Variants in ETV4 observed in about 807,000 individuals in gnomAD.
ETV4 encodes the protein ETS translocation variant 4.
In ETV4, 42 loss-of-function variants were observed where a neutral mutation model predicts 65.9. That is an observed-to-expected ratio of 0.64 (90% CI 0.50 to 0.82). The LOEUF (loss-of-function observed/expected upper bound fraction) is 0.82, where lower values mean the gene tolerates loss of function less well. ETV4 is among the 40% of genes least tolerant of loss of function. ETV4 has a pLI of 0.00. For missense variants in ETV4, 583 were observed against 630.3 expected, an observed-to-expected ratio of 0.92 and a Z score of 0.80; for synonymous variants, 238 against 260.0, an observed-to-expected ratio of 0.92 and a Z score of 0.81.
rs531139204 is a variant in ETV4, at chr17:43,545,934, CGT to C, written c.-52+249_-52+250del. The C allele has an allele frequency of 0.15, 40,507 of 262,662 alleles. 4,212 individuals are homozygous for C. Among genetic ancestry groups the C allele is most frequent in the African/African-American group, 0.22 (8,529 of 37,916 alleles). 16.3% of individuals were successfully genotyped at this position (262,662 alleles called of 1,614,324 possible). ...TTACCCGGGCTCGGTTACATAAGAA[CGT>C]GTGTGTGTGTGTGTGTGTGTGTGTG... On this transcript the variant is annotated intron_variant, in intron 1 of 12. Coordinates refer to ENST00000319349, the MANE Select transcript of ETV4 (RefSeq NM_001079675.5).
intron 4 of ETV4, among the ~76,000 whole-genome samples, chr17:43,542,000 T>TG (rs1971547966): frequency 6.6e-6 from 1 of 152,110 alleles, no homozygotes; most frequent in Non-Finnish European, 1.5e-5. Flanking sequence ...ACTTCACTCT[T>TG]GCAGCAGCAA....
At chr17:43,530,819 C>T (rs1295958049) in intron 8 of ETV4, among the ~76,000 whole-genome samples, 1 of 151,968 alleles carries the variant, frequency 6.6e-6, no homozygotes, top group Non-Finnish European at 1.5e-5. Context: ...CCAACCCCTT[C>T]CCGCCCTCCC....
At chr17:43,545,095 G>A (rs923443265) in intron 3 of ETV4, 73 bp from the exon 4 acceptor site, 2 of 1,492,654 alleles carry the variant, frequency 1.3e-6, no homozygotes, top group African/African-American at 2.8e-5. Flanking sequence ...AGCAAGACCC[G>A]GTGACTCCCC....
intron 1 of ETV4, chr17:43,545,882 G>A (rs1971797946): frequency 1.7e-6 from 1 of 582,360 alleles, no homozygotes. Flanking sequence ...AGCCGGGCTC[G>A]CCGTTTCTGC....
chr17:43,529,469 T>C lies in ETV4; in HGVS notation c.1128+35A>G, dbSNP rs377294765. On this transcript the variant is annotated intron_variant, in intron 11 of 12. Transcript: ENST00000319349. ...TCTCCCACCTCCAGGCTGTAAACTT[T>C]GGAAAGGAGGGCTGGGAACATCCGA... is the stretch of plus-strand genomic sequence containing the variant. 42 of 1,578,966 alleles carry C rather than the reference T, an allele frequency of 2.7e-5. No individual in the cohort carries two copies. In the African/African-American group the frequency reaches 5.6e-4, roughly 21 times the overall value.
Position 43,536,407 on chromosome 17 carries a change from C to T in ETV4, c.256+19G>A. The T allele has an allele frequency of 6.2e-7, 1 of 1,612,248 alleles. No homozygotes were observed. Reference sequence around the variant, plus strand: ...CATCCTCCACTCCCTATACCCTCTCCCCAGGGACCTCTACTCACGGTTTTC... The same window carrying T: ...CATCCTCCACTCCCTATACCCTCTCTCCAGGGACCTCTACTCACGGTTTTC... On this transcript the variant is annotated intron_variant, in intron 5 of 12. Coordinates refer to ENST00000319349, the MANE Select transcript of ETV4 (RefSeq NM_001079675.5).
intron 5 of ETV4, among the ~76,000 whole-genome samples, chr17:43,535,079 G>A (rs1215398257): frequency 1.3e-5 from 2 of 152,200 alleles, no homozygotes; most frequent in African/African-American, 4.8e-5. Context: ...GCCCCTGCGG[G>A]GTTCCCAAAC....
At position 43,545,544 on chromosome 17, in the gene ETV4, G is replaced by C. The variant is rs748200895; in HGVS notation, c.60+14C>G. The stretch of plus-strand genomic sequence containing the variant: ...GCGGGGCGGGGCGGGCGTGGAGGCC[G>C]GCGCGGCGCTCACGCTGCTGAAGGT... On this transcript the variant is annotated intron_variant, in intron 2 of 12. Transcript: ENST00000319349. 6.5e-6 allele frequency: 10 copies of C among 1,547,468 alleles called. No homozygotes were observed. The highest frequency in any genetic ancestry group is 3.9e-5 in the Admixed American group (2 of 50,918).
chr17:43,545,502 G>T, intron 2 of ETV4, 56 bp downstream of exon 2: 1 of 1,290,748 alleles, frequency 7.7e-7, no homozygotes, highest in Non-Finnish European at 1.0e-6. Context: ...GGGCTGTGGT[G>T]AGAGTAGGGG....
chr17:43,532,266 G>A (rs938659197), intron 8 of ETV4, among the ~76,000 whole-genome samples: 1 of 152,180 alleles, frequency 6.6e-6, no homozygotes, highest in South Asian at 2.1e-4. Context: ...TTGGGAGGCC[G>A]AGGCGATGGA....
At chr17:43,532,216 T>G (rs1235890258) in intron 8 of ETV4, among the ~76,000 whole-genome samples, 1 of 152,172 alleles carries the variant, frequency 6.6e-6, no homozygotes, top group Non-Finnish European at 1.5e-5. Context: ...AAGTAATAAT[T>G]TGTCCGGGTG....
chr17:43,532,257 T>C (rs1190808530), intron 8 of ETV4, among the ~76,000 whole-genome samples: 1 of 152,086 alleles, frequency 6.6e-6, no homozygotes, highest in East Asian at 1.9e-4. Context: ...CACAGCACTT[T>C]GGGAGGCCGA....
rs1168872790 is a variant in ETV4 at position 43,533,274 on chromosome 17, G to A, written c.458C>T (p.Pro153Leu). 8.1e-6 allele frequency: 13 copies of A among 1,613,842 alleles called. No individual in the cohort carries two copies. Among genetic ancestry groups the A allele is most frequent in the Non-Finnish European group, 1.1e-5 (13 of 1,179,934 alleles). The change falls in exon 7 of 13, where the codon CCC becomes CTC. Residue 153 changes from proline (P) to leucine (L), a missense_variant. By Grantham distance (98) the Pro-to-Leu change is moderately conservative. Transcript: ENST00000319349. ...PGALGQSPLQ[P>L]FPRAEQRNFL... ...ATTCCGTTGCTCTGCCCGGGGAAAGGGCTGTAGGGGCGACTGTCCAAGGGC... is the reference window on the plus strand; with the variant it reads ...ATTCCGTTGCTCTGCCCGGGGAAAGAGCTGTAGGGGCGACTGTCCAAGGGC...
At chr17:43,531,268 G>A (rs966953010) in intron 8 of ETV4, among the ~76,000 whole-genome samples, 4 of 152,230 alleles carry the variant, frequency 2.6e-5, no homozygotes, top group African/African-American at 9.6e-5. Flanking sequence ...CAAAAGCCAG[G>A]AGGAAAGAAG....
chr17:43,533,406 A>AC (rs1971067912), intron 6 of ETV4, 58 bp from the exon 7 acceptor site: 1 of 1,519,522 alleles, frequency 6.6e-7, no homozygotes, highest in South Asian at 1.2e-5. Flanking sequence ...GCATCTTTGA[A>AC]CCCTTCATTC....
rs1287657058 is a variant in ETV4, at chr17:43,537,603, G to A, written c.203-1124C>T. Among the ~76,000 whole-genome samples the A allele has an allele frequency of 2.6e-5, 4 of 151,892 alleles. No homozygotes were observed. The East Asian group carries it at 7.8e-4, about 29-fold the overall frequency. ...CCCAGCTACTCGGAAGGCTGAGGCAGGAGAATTGCTTGAACCCAGGAGGCA... is the reference window on the plus strand; with the variant it reads ...CCCAGCTACTCGGAAGGCTGAGGCAAGAGAATTGCTTGAACCCAGGAGGCA... On this transcript the variant is annotated intron_variant, in intron 4 of 12. Transcript: ENST00000319349.
intron 8 of ETV4, among the ~76,000 whole-genome samples, chr17:43,531,004 T>G (rs1413246413): frequency 1.3e-5 from 2 of 152,082 alleles, no homozygotes; most frequent in South Asian, 4.1e-4. Flanking sequence ...TCCCCTCCGG[T>G]CTACAGCCTT....
chr17:43,545,879 C>T, intron 1 of ETV4: 2 of 587,120 alleles, frequency 3.4e-6, no homozygotes, highest in Non-Finnish European at 6.1e-6. Flanking sequence ...AGGAGCCGGG[C>T]TCGCCGTTTC....
chr17:43,528,358 C>T lies in ETV4; in HGVS notation c.*161G>A, dbSNP rs560866512. The T allele has an allele frequency of 2.4e-5, 13 of 543,806 alleles. No homozygotes were observed. Among genetic ancestry groups the T allele is most frequent in the Admixed American group, 6.4e-5 (2 of 31,052 alleles). The allele number at this position is 543,806 out of a possible 1,614,324, so 33.7% of individuals were successfully genotyped here. A position where few individuals can be genotyped will look rare whatever the true frequency, so the allele number is the denominator to read the frequency against. ...CTCCACTTTTCCTTCCCAATGACTC[C>T]GGTGAGCAGCTCAGAGTCTGGGCTA... On this transcript the variant is annotated 3_prime_UTR_variant, in exon 13 of 13. Coordinates refer to ENST00000319349, the MANE Select transcript of ETV4 (RefSeq NM_001079675.5).
Sources: gnomAD v4.1 joint callset for allele counts (sites outside exome capture counted in the v4.1 genomes callset) on GRCh38, gnomAD v4.1.1 for gene constraint, MANE v1.5 for transcripts, NCBI Gene and HGNC (gene_info 2026-07-23, HGNC 2026-07-21) for gene names.